SGCZ: variants seen among roughly 807,000 people sequenced by gnomAD.
SGCZ encodes zeta-sarcoglycan.
Under a neutral mutation model 41.3 loss-of-function variants are expected in SGCZ, and 40 were observed. The ratio of observed to expected loss-of-function variants is 0.97; its 90% CI spans 0.75 to 1.26. The LOEUF is 1.26. SGCZ is among the 50% of genes most tolerant of loss of function. SGCZ has a pLI of 0.00. For missense variants in SGCZ, 552 were observed against 369.8 expected (o/e 1.49, Z -4.04); for synonymous variants, 206 against 137.5 (o/e 1.50, Z -3.49).
At chr8:14,279,516 C>A (rs898136625) in intron 3 of SGCZ, among the ~76,000 whole-genome samples, 1 of 151,698 alleles carries the variant, frequency 6.6e-6, no homozygotes, top group East Asian at 1.9e-4. Context: ...TTGGATGACT[C>A]CATAAATATC....
chr8:14,929,286 T>C (rs1031549302), intron 1 of SGCZ, among the ~76,000 whole-genome samples: 2 of 152,198 alleles, frequency 1.3e-5, no homozygotes, highest in Non-Finnish European at 2.9e-5. Flanking sequence ...CCACTGCGCC[T>C]GGCCAATGAC....
intron 1 of SGCZ, among the ~76,000 whole-genome samples, chr8:15,223,856 TTTTA>T (rs35421677): frequency 6.0e-5 from 9 of 149,784 alleles, no homozygotes; most frequent in South Asian, 4.3e-4. Context: ...CTTTTTAAAT[TTTTA>T]TTTATTTATT....
intron 1 of SGCZ, among the ~76,000 whole-genome samples, chr8:15,164,624 T>A (rs1799601065): frequency 1.4e-5 from 2 of 144,472 alleles, no homozygotes; most frequent in South Asian, 4.4e-4. Flanking sequence ...CCATCAGCAG[T>A]TAAGTTTTAA....
At chr8:14,359,299 G>A (rs1442717974) in intron 2 of SGCZ, among the ~76,000 whole-genome samples, 1 of 152,118 alleles carries the variant, frequency 6.6e-6, no homozygotes, top group African/African-American at 2.4e-5. Flanking sequence ...TCAACACCCT[G>A]TGTTCACATT....
intron 1 of SGCZ, among the ~76,000 whole-genome samples, chr8:14,872,380 A>G (rs1441281558): frequency 6.6e-6 from 1 of 152,112 alleles, no homozygotes; most frequent in Admixed American, 6.6e-5. Flanking sequence ...ACAAATAATC[A>G]AAATTATTAG....
chr8:14,686,748 C>T (rs1808624228), intron 1 of SGCZ, among the ~76,000 whole-genome samples: 1 of 151,984 alleles, frequency 6.6e-6, no homozygotes, highest in South Asian at 2.1e-4. Context: ...TATTTTAATG[C>T]ATGGTTTTGA....
At chr8:14,249,220 C>G (rs1176689688) in intron 3 of SGCZ, among the ~76,000 whole-genome samples, 3 of 152,176 alleles carry the variant, frequency 2.0e-5, no homozygotes, top group Non-Finnish European at 4.4e-5. Flanking sequence ...TGACTGTCTT[C>G]AAGCTGGGAC....
chr8:14,271,780 G>A (rs909684153), intron 3 of SGCZ, among the ~76,000 whole-genome samples: 1 of 152,240 alleles, frequency 6.6e-6, no homozygotes, highest in South Asian at 2.1e-4. Flanking sequence ...TGAAGATCCT[G>A]ATTCATATCT....
At chr8:14,512,223 C>T (rs780587956) in intron 2 of SGCZ, among the ~76,000 whole-genome samples, 6 of 152,060 alleles carry the variant, frequency 3.9e-5, no homozygotes, top group East Asian at 1.9e-4. Context: ...AAAAGGAAGA[C>T]GCTGAAGTGC....
At chr8:14,228,812 T>C (rs577038799) in intron 4 of SGCZ, among the ~76,000 whole-genome samples, 10 of 152,240 alleles carry the variant, frequency 6.6e-5, no homozygotes, top group African/African-American at 2.4e-4. Flanking sequence ...GGCCATATAT[T>C]CAAATATGTA....
chr8:14,621,567 A>G (rs1249268851), intron 1 of SGCZ, among the ~76,000 whole-genome samples: 1 of 152,200 alleles, frequency 6.6e-6, no homozygotes, highest in African/African-American at 2.4e-5. Context: ...ATGCTTAACA[A>G]GAAGCATGAC....
At chr8:14,970,305 T>C (rs1414912255) in intron 1 of SGCZ, among the ~76,000 whole-genome samples, 3 of 152,282 alleles carry the variant, frequency 2.0e-5, no homozygotes, top group Middle Eastern at 3.4e-3. Flanking sequence ...TACTCTGTCT[T>C]GTCTTTCATC....
intron 1 of SGCZ, among the ~76,000 whole-genome samples, chr8:14,965,009 C>T (rs1016433016): frequency 6.6e-6 from 1 of 152,102 alleles, no homozygotes; most frequent in Non-Finnish European, 1.5e-5. Flanking sequence ...CTAATCCACC[C>T]AGGAGGAGAC....
intron 1 of SGCZ, among the ~76,000 whole-genome samples, chr8:14,606,283 G>C (rs1222845649): frequency 4.6e-5 from 7 of 151,894 alleles, no homozygotes; most frequent in Non-Finnish European, 7.4e-5. Flanking sequence ...CCACTTTCTT[G>C]CTTCATATTC....
At chr8:14,613,708 A>C (rs899192439) in intron 1 of SGCZ, among the ~76,000 whole-genome samples, 1 of 150,456 alleles carries the variant, frequency 6.6e-6, no homozygotes, top group African/African-American at 2.4e-5. Context: ...TACTGGAATC[A>C]TCTGCAAATT....
At chr8:15,096,115 T>A (rs1806336401) in intron 1 of SGCZ, among the ~76,000 whole-genome samples, 2 of 152,170 alleles carry the variant, frequency 1.3e-5, no homozygotes, top group African/African-American at 2.4e-5. Context: ...TCTTGCCCTG[T>A]ACCGCAGGCT....
At chr8:14,166,968 T>G (rs1333925650) in intron 4 of SGCZ, among the ~76,000 whole-genome samples, 1 of 152,128 alleles carries the variant, frequency 6.6e-6, no homozygotes, top group Non-Finnish European at 1.5e-5. Context: ...TAAAAATTCA[T>G]ACTGCAGACT....
intron 4 of SGCZ, among the ~76,000 whole-genome samples, chr8:14,197,734 C>A (rs1450651201): frequency 1.8e-4 from 27 of 151,932 alleles, no homozygotes; most frequent in Admixed American, 1.7e-3. Flanking sequence ...AAGTGCTTTT[C>A]CCCTAAGTTT....
chr8:14,253,989 G>A (rs978312162), intron 3 of SGCZ, among the ~76,000 whole-genome samples: 27 of 151,922 alleles, frequency 1.8e-4, no homozygotes, highest in African/African-American at 6.5e-4. Context: ...CAAACATACA[G>A]AAAGAAAAAC....
Sources: allele counts gnomAD v4.1 joint callset (sites outside exome capture counted in the v4.1 genomes callset), GRCh38; gene constraint gnomAD v4.1.1; transcripts MANE v1.5; gene names NCBI Gene and HGNC (gene_info 2026-07-23, HGNC 2026-07-21).